The following OR14I1 variants were observed in gnomAD, a reference collection of about 807,000 sequenced individuals.
OR14I1 encodes the protein olfactory receptor family 14 subfamily I member 1.
For synonymous variants in OR14I1, 118 were observed against 71.1 expected (o/e 1.66, Z -3.32); for missense variants, 279 against 181.8 (o/e 1.53, Z -3.07).
At chr1:248,696,792 C>T in the OR14I1 span, among the ~76,000 whole-genome samples, 11 of 152,128 alleles carry the variant, frequency 7.2e-5, no homozygotes, top group African/African-American at 2.7e-4. Flanking sequence ...ATATTTTTTT[C>T]TTCTTTGTTT....
chr1:248,700,544 CT>C, the OR14I1 span, among the ~76,000 whole-genome samples: 1 of 152,236 alleles, frequency 6.6e-6, no homozygotes, highest in South Asian at 2.1e-4. Flanking sequence ...CATTTTAATC[CT>C]TTATGTCTCT....
the OR14I1 span, among the ~76,000 whole-genome samples, chr1:248,695,382 CG>C: frequency 6.6e-6 from 1 of 151,622 alleles, no homozygotes; most frequent in Non-Finnish European, 1.5e-5. Context: ...TACAGGCGCC[CG>C]CCACCACGCC....
At chr1:248,700,587 T>C in the OR14I1 span, among the ~76,000 whole-genome samples, 1 of 152,234 alleles carries the variant, frequency 6.6e-6, no homozygotes, top group African/African-American at 2.4e-5. Context: ...AATGTGATTA[T>C]ATTTGTTTCT....
chr1:248,692,218 G>A, the OR14I1 span: 1 of 152,438 alleles, frequency 6.6e-6, no homozygotes, highest in Non-Finnish European at 1.5e-5. Context: ...CTTCTTCACA[G>A]GTGAGCGGAT....
the OR14I1 span, among the ~76,000 whole-genome samples, chr1:248,691,348 A>G: frequency 0.82 from 125,226 of 152,082 alleles, 52,045 homozygotes; most frequent in Non-Finnish European, 0.88. Flanking sequence ...AGGAGGTGTG[A>G]GTATGTTAGA....
the OR14I1 span, among the ~76,000 whole-genome samples, chr1:248,688,821 A>C: frequency 6.7e-6 from 1 of 150,300 alleles, no homozygotes; most frequent in Non-Finnish European, 1.5e-5. Flanking sequence ...GAAAACAGAA[A>C]AGACTCATTC....
chr1:248,692,286 G>C, the OR14I1 span: 4 of 152,822 alleles, frequency 2.6e-5, no homozygotes, highest in African/African-American at 9.6e-5. Flanking sequence ...CGCATTCCCA[G>C]GTTCCTGCTG....
chr1:248,687,443 A>G, the OR14I1 span, among the ~76,000 whole-genome samples: 11 of 152,202 alleles, frequency 7.2e-5, no homozygotes, highest in Non-Finnish European at 1.3e-4. Flanking sequence ...CTCCAAATCT[A>G]TTTGTTCCAC....
the OR14I1 span, among the ~76,000 whole-genome samples, chr1:248,702,176 C>G: frequency 6.6e-6 from 1 of 152,180 alleles, no homozygotes; most frequent in African/African-American, 2.4e-5. Context: ...ATCATCCTTT[C>G]TCAACGGTCC....
the OR14I1 span, among the ~76,000 whole-genome samples, chr1:248,701,993 A>G: frequency 1.3e-5 from 2 of 152,168 alleles, no homozygotes; most frequent in Non-Finnish European, 2.9e-5. Context: ...GGAAGCAGGC[A>G]TGTCTTTCAT....
At chr1:248,680,234 A>C (rs1009702018), downstream of OR14I1, among the ~76,000 whole-genome samples, 6 of 152,328 alleles carry the variant, frequency 3.9e-5, no homozygotes, top group Non-Finnish European at 5.9e-5. Context: ...TAATTTTACA[A>C]ATTTTTATTT....
chr1:248,700,103 T>G, the OR14I1 span, among the ~76,000 whole-genome samples: 1 of 152,186 alleles, frequency 6.6e-6, no homozygotes, highest in Non-Finnish European at 1.5e-5. Flanking sequence ...AGCTTTAAAT[T>G]AGAATGCGCA....
At chr1:248,680,106 G>A (rs938034164), downstream of OR14I1, among the ~76,000 whole-genome samples, 96 of 152,140 alleles carry the variant, frequency 6.3e-4, 2 homozygotes, top group Admixed American at 6.3e-3. Context: ...AGCACTTTGA[G>A]TAACTTTTTT....
chr1:248,683,347 T>A (rs1457833500), upstream of OR14I1, among the ~76,000 whole-genome samples: 1 of 152,260 alleles, frequency 6.6e-6, no homozygotes, highest in Non-Finnish European at 1.5e-5. Context: ...ATCAAAGTCA[T>A]GTGTGTTAGA....
the OR14I1 span, among the ~76,000 whole-genome samples, chr1:248,701,571 T>A: frequency 6.6e-6 from 1 of 152,232 alleles, no homozygotes; most frequent in African/African-American, 2.4e-5. Context: ...TAGGGTTGAT[T>A]TTCAATTTTT....
downstream of OR14I1, among the ~76,000 whole-genome samples, chr1:248,678,300 C>T (rs1236240331): frequency 6.6e-6 from 1 of 152,196 alleles, no homozygotes; most frequent in Non-Finnish European, 1.5e-5. Context: ...TGAGGACATT[C>T]CATTCAACAT....
At chr1:248,697,359 C>T in the OR14I1 span, among the ~76,000 whole-genome samples, 8,610 of 151,744 alleles carry the variant, frequency 0.057, 797 homozygotes, top group African/African-American at 0.19. Flanking sequence ...AACTGGCTTT[C>T]ACATTCACTT....
the OR14I1 span, chr1:248,699,038 A>T: frequency 4.6e-5 from 7 of 152,180 alleles, no homozygotes; most frequent in African/African-American, 1.7e-4. Flanking sequence ...TTTCCTGGGG[A>T]GGGTACTTCA....
chr1:248,679,141 C>T (rs1558189073), downstream of OR14I1, among the ~76,000 whole-genome samples: 1 of 152,080 alleles, frequency 6.6e-6, no homozygotes, highest in Non-Finnish European at 1.5e-5. Context: ...GCCAGGGGCT[C>T]TGGATCAAGA....
Sources: gnomAD v4.1 joint callset for allele counts (sites outside exome capture counted in the v4.1 genomes callset) on GRCh38, gnomAD v4.1.1 for gene constraint, MANE v1.5 for transcripts, NCBI Gene and HGNC (gene_info 2026-07-23, HGNC 2026-07-21) for gene names.